The following FSD2 variants were observed in gnomAD, a reference collection of about 807,000 sequenced individuals.
FSD2 encodes the protein fibronectin type III and SPRY domain-containing protein 2.
Under a neutral mutation model 80.4 loss-of-function variants are expected in FSD2, and 71 were observed. The ratio of observed to expected loss-of-function variants is 0.88; its 90% CI spans 0.73 to 1.08. The LOEUF (loss-of-function observed/expected upper bound fraction) is 1.08. Ranked by LOEUF, FSD2 falls within the 50% of genes least tolerant of loss-of-function variation. FSD2 has a pLI of 0.00. For synonymous variants in FSD2, 361 were observed against 329.5 expected, an observed-to-expected ratio of 1.10 and a Z score of -1.03; for missense variants, 923 against 913.8, an observed-to-expected ratio of 1.01 and a Z score of -0.13.
At chr15:82,779,658 C>T (rs1299539861) in intron 5 of FSD2, among the ~76,000 whole-genome samples, 1 of 145,544 alleles carries the variant, frequency 6.9e-6, no homozygotes, top group African/African-American at 2.6e-5. Flanking sequence ...AAGAACGAAA[C>T]TGTCTCAAAA....
At chr15:82,797,230 T>C (rs1201540029) in intron 1 of FSD2, among the ~76,000 whole-genome samples, 1 of 152,216 alleles carries the variant, frequency 6.6e-6, no homozygotes, top group African/African-American at 2.4e-5. Flanking sequence ...AAATAATTTT[T>C]CATGATAGAT....
rs1288679925 is a variant in FSD2 at position 82,757,127 on chromosome 15, T to A, written c.*2221A>T. 6.6e-6 allele frequency: 1 copy of A among 152,222 alleles called. No homozygotes were observed. The highest frequency in any genetic ancestry group is 6.5e-5 in the Admixed American group (1 of 15,284). The allele number at this position is 152,222 out of a possible 1,614,324, so 9.4% of individuals were successfully genotyped here. ...TAATTGTGATGCTTGAAGTTGCTAA[T>A]CTGCTTTAAGTGGATTTTAAATGTC... On this transcript the variant is annotated 3_prime_UTR_variant, in exon 13 of 13. Transcript: ENST00000334574.
chr15:82,762,117 G>A lies in FSD2; in HGVS notation c.1982C>T (p.Thr661Ile). 1 of 1,602,082 alleles carries A rather than the reference G, an allele frequency of 6.2e-7. No individual in the cohort carries two copies. The highest frequency in any genetic ancestry group is 1.7e-4 in the Middle Eastern group (1 of 6,040). The change falls in exon 12 of 13, where the codon ACA (threonine) becomes ATA (isoleucine). Residue 661 changes from threonine (T) to isoleucine (I), a missense_variant. Transcript: ENST00000334574. ...TTTACTTTACCTTGATGATGCAAAT[G>A]TGTGCCTCATGCACCAGGAGAGGCA... is the stretch of plus-strand genomic sequence containing the variant. ...ANCLSWCMRH[T>I]FASSRHKYEF...
rs1416975713 is a variant in FSD2 at position 82,786,828 on chromosome 15, C to G, written c.563G>C (p.Arg188Thr). ...VFCVTCKTPI[R>T]AFQKVFDEHK... is the part of the protein sequence containing the mutation. ...TTCATCAAAAACCTTCTGAAAAGCT[C>G]TTATTGGAGTCTTACAAGTGACACA... Residue 188 changes from arginine (R) to threonine (T), a missense_variant, in exon 2 of 13, where the codon AGA becomes ACA. Physicochemically the swap from Arg to Thr is moderately conservative, Grantham distance 71. Transcript: ENST00000334574. 1 of 1,613,902 alleles carries G rather than the reference C, an allele frequency of 6.2e-7. No homozygotes were observed. The highest frequency in any genetic ancestry group is 1.3e-5 in the African/African-American group (1 of 74,926).
intron 7 of FSD2, among the ~76,000 whole-genome samples, chr15:82,770,481 C>A (rs2049539204): frequency 6.6e-6 from 1 of 152,096 alleles, no homozygotes; most frequent in Admixed American, 6.5e-5. Context: ...ACCATCCTGG[C>A]TAACACAGTG....
chr15:82,793,946 G>C (rs1434384992), intron 1 of FSD2, among the ~76,000 whole-genome samples: 2 of 151,770 alleles, frequency 1.3e-5, no homozygotes, highest in East Asian at 3.9e-4. Context: ...CAAATAATCT[G>C]CTTTTGGTTT....
intron 1 of FSD2, among the ~76,000 whole-genome samples, chr15:82,787,977 A>G (rs1173849265): frequency 6.6e-6 from 1 of 151,862 alleles, no homozygotes; most frequent in Non-Finnish European, 1.5e-5. Context: ...ACGGGTTTTC[A>G]CTATGTTGGA....
chr15:82,764,922 C>T (rs2049378056), intron 11 of FSD2, among the ~76,000 whole-genome samples: 1 of 151,992 alleles, frequency 6.6e-6, no homozygotes, highest in Admixed American at 6.5e-5. Context: ...GGGACCATGC[C>T]CTCCCAGGGG....
chr15:82,781,825 C>T (rs566412473), intron 4 of FSD2, among the ~76,000 whole-genome samples: 4 of 150,812 alleles, frequency 2.7e-5, no homozygotes, highest in Non-Finnish European at 5.9e-5. Flanking sequence ...TTTGGGAGGC[C>T]GAGGCAGGTG....
At chr15:82,765,123 C>T (rs781753329) in intron 11 of FSD2, 43 bp downstream of exon 11, 4 of 1,554,376 alleles carry the variant, frequency 2.6e-6, no homozygotes, top group Admixed American at 2.0e-5. Flanking sequence ...AGTGCACCTT[C>T]GGGAAGTTCA....
chr15:82,759,454 C>G lies in FSD2; in HGVS notation c.2144G>C (p.Ser715Thr), dbSNP rs2049238499. The G allele has an allele frequency of 3.1e-6, 5 of 1,613,648 alleles. No individual in the cohort carries two copies. In the East Asian group the frequency reaches 8.9e-5, roughly 29 times the overall value. The change falls in exon 13 of 13, where the codon AGT becomes ACT. Residue 715 changes from serine to threonine, a missense_variant. By Grantham distance (58) the Ser-to-Thr change is moderately conservative. Coordinates refer to ENST00000334574, the MANE Select transcript of FSD2 (RefSeq NM_001007122.4). The stretch of plus-strand genomic sequence containing the variant: ...ATGCACAAATTCGTGAAGCTGACAA[C>G]TAAATGTATATAGATGCTGAGAAAG... ...VDLSQHLYTFSCQLHEFVHPC... is the reference protein window; with the variant it reads ...VDLSQHLYTFTCQLHEFVHPC...
intron 7 of FSD2, among the ~76,000 whole-genome samples, chr15:82,771,523 A>C (rs1415514525): frequency 6.6e-6 from 1 of 152,184 alleles, no homozygotes; most frequent in Admixed American, 6.5e-5. Context: ...TCCGGGGAAA[A>C]GGATGTTGGC....
At chr15:82,795,257 T>C (rs1022347069) in intron 1 of FSD2, among the ~76,000 whole-genome samples, 2 of 152,200 alleles carry the variant, frequency 1.3e-5, no homozygotes, top group African/African-American at 4.8e-5. Context: ...TTTTAATTGA[T>C]TCATTATGAG....
At chr15:82,794,791 C>G (rs2050223429) in intron 1 of FSD2, among the ~76,000 whole-genome samples, 1 of 148,522 alleles carries the variant, frequency 6.7e-6, no homozygotes, top group Non-Finnish European at 1.5e-5. Flanking sequence ...GCGGCGCGAT[C>G]TCGGCTTACT....
intron 6 of FSD2, among the ~76,000 whole-genome samples, chr15:82,777,267 C>T (rs1433931968): frequency 6.6e-6 from 1 of 152,040 alleles, no homozygotes; most frequent in African/African-American, 2.4e-5. Flanking sequence ...CAAAATAAAC[C>T]ATTAACAGAG....
At chr15:82,782,722 A>G in intron 4 of FSD2, 73 bp downstream of exon 4, 4 of 1,307,328 alleles carry the variant, frequency 3.1e-6, no homozygotes, top group South Asian at 1.3e-5. Flanking sequence ...TACCTCAACC[A>G]TAACTGTCGT....
chr15:82,759,650 CTATT>C lies in FSD2; in HGVS notation c.1998-54_1998-51del, dbSNP rs751467078. The C allele has an allele frequency of 4.2e-4, 584 of 1,405,800 alleles. 1 individual carries two copies. The highest frequency in any genetic ancestry group is 5.3e-4 in the Non-Finnish European group (552 of 1,045,958). 87.1% of individuals were successfully genotyped at this position (1,405,800 alleles called of 1,614,324 possible). ...AAGTTTCAGTAATTCTATAGATTGA[CTATT>C]TATAGAACATTTCATACTAATTTTA... On this transcript the variant is annotated intron_variant, in intron 12 of 12. Coordinates refer to ENST00000334574, the MANE Select transcript of FSD2 (RefSeq NM_001007122.4).
Position 82,788,892 on chromosome 15 carries a change from T to TC in FSD2, c.-78-1425_-78-1424insG, listed in dbSNP as rs1397195269. On this transcript the variant is annotated intron_variant, in intron 1 of 12. Transcript: ENST00000334574. ...TGCCAGGTGTGGTGGTGCATGCCTG[T>TC]AGTCCCAGCTACTAGGGAGGCTGAG... 2.6e-5 allele frequency among the ~76,000 whole-genome samples: 4 copies of TC among 151,696 alleles called. No individual in the cohort carries two copies. In the East Asian group the frequency reaches 7.8e-4, roughly 29 times the overall value.
chr15:82,759,653 T>C, intron 12 of FSD2, 53 bp from the exon 13 acceptor site: 4 of 1,380,944 alleles, frequency 2.9e-6, no homozygotes, highest in Non-Finnish European at 3.9e-6. Flanking sequence ...AGATTGACTA[T>C]TTATAGAACA....
Sources: allele counts gnomAD v4.1 joint callset (sites outside exome capture counted in the v4.1 genomes callset), GRCh38; gene constraint gnomAD v4.1.1; transcripts MANE v1.5; gene names NCBI Gene and HGNC (gene_info 2026-07-23, HGNC 2026-07-21).